PCDH15: variants seen among roughly 807,000 people sequenced by gnomAD.
The protein encoded by PCDH15 is protocadherin related 15, also known as protocadherin-15.
PCDH15 carries 129 observed loss-of-function variants against 178.5 expected under a neutral mutation model. That is an observed-to-expected ratio of 0.72 (90% CI 0.63 to 0.84). The LOEUF is 0.84. Ranked by LOEUF, PCDH15 falls within the 40% of genes least tolerant of loss-of-function variation. The pLI is 0.00. For synonymous variants in PCDH15, 800 were observed against 732.0 expected (o/e 1.09, Z -1.50); for missense variants, 2,230 against 2,099.9 (o/e 1.06, Z -1.21).
chr10:54,462,476 C>CT (rs142961372), intron 3 of PCDH15, among the ~76,000 whole-genome samples: 9 of 123,942 alleles, frequency 7.3e-5, no homozygotes, highest in Admixed American at 1.8e-4. Context: ...TCCTTTCTTT[C>CT]TTTCTTTTCT....
At chr10:54,279,855 G>T (rs1381654281) in intron 8 of PCDH15, among the ~76,000 whole-genome samples, 1 of 151,620 alleles carries the variant, frequency 6.6e-6, no homozygotes, top group East Asian at 1.9e-4. Context: ...GTAGACATCT[G>T]GTTTATCAGA....
At chr10:54,193,231 T>C (rs1480391226) in intron 11 of PCDH15, among the ~76,000 whole-genome samples, 1 of 152,204 alleles carries the variant, frequency 6.6e-6, no homozygotes, top group Non-Finnish European at 1.5e-5. Flanking sequence ...ATTTTAACAT[T>C]TGTAATTTAA....
intron 10 of PCDH15, among the ~76,000 whole-genome samples, chr10:54,201,828 T>G (rs900125940): frequency 2.3e-4 from 35 of 152,320 alleles, no homozygotes; most frequent in African/African-American, 8.2e-4. Flanking sequence ...TTATAGAATG[T>G]CTTTATTCAC....
intron 10 of PCDH15, among the ~76,000 whole-genome samples, chr10:54,209,974 T>C (rs796992981): frequency 6.6e-6 from 1 of 152,222 alleles, no homozygotes; most frequent in African/African-American, 2.4e-5. Flanking sequence ...TTCCTGTAAC[T>C]CTCAAATTAC....
chr10:53,945,864 T>TATATATATATAC (rs1167424919), intron 23 of PCDH15, among the ~76,000 whole-genome samples: 29 of 140,300 alleles, frequency 2.1e-4, no homozygotes, highest in African/African-American at 7.2e-4. Flanking sequence ...TATATATATA[T>TATATATATATAC]ATATATATAT....
At chr10:55,073,063 A>T (rs1052370705) in intron 2 of PCDH15, among the ~76,000 whole-genome samples, 1 of 152,172 alleles carries the variant, frequency 6.6e-6, no homozygotes, top group South Asian at 2.1e-4. Flanking sequence ...TCATGCTAAA[A>T]ACTCTCAATA....
At chr10:55,525,692 T>G (rs1394428638) in intron 2 of PCDH15, among the ~76,000 whole-genome samples, 1 of 151,938 alleles carries the variant, frequency 6.6e-6, no homozygotes, top group Non-Finnish European at 1.5e-5. Context: ...ACTTTGCAAT[T>G]TGACAGACAA....
chr10:54,262,073 T>C (rs1218551166), intron 8 of PCDH15, among the ~76,000 whole-genome samples: 1 of 152,066 alleles, frequency 6.6e-6, no homozygotes, highest in Non-Finnish European at 1.5e-5. Context: ...AATGTACTTC[T>C]GAGATCCTAG....
In PCDH15 at chr10:54,983,462, A is replaced by G. The variant is rs116363197; in HGVS notation, c.-79-85962T>C. Among the ~76,000 whole-genome samples the G allele has an allele frequency of 5.1e-3, 779 of 152,292 alleles. 4 individuals carry two copies. The highest frequency in any genetic ancestry group is 0.018 in the African/African-American group (748 of 41,564). ...CATGGTGAGTGACTCACAATTTTGT[A>G]CTACATAAGACCAGAGGAAATAGAG... is the stretch of plus-strand genomic sequence containing the variant. On this transcript the variant is annotated intron_variant, in intron 2 of 5. Transcript: ENST00000458638.
At chr10:55,006,772 T>A (rs952729054) in intron 2 of PCDH15, among the ~76,000 whole-genome samples, 2 of 152,320 alleles carry the variant, frequency 1.3e-5, no homozygotes, top group South Asian at 4.1e-4. Context: ...ATTTTGGAGC[T>A]TTAATATTTA....
chr10:54,270,247 C>A (rs1202308682), intron 8 of PCDH15, among the ~76,000 whole-genome samples: 1 of 152,036 alleles, frequency 6.6e-6, no homozygotes, highest in Non-Finnish European at 1.5e-5. Flanking sequence ...CATGAAATGT[C>A]TTATCATACA....
chr10:54,796,266 C>CTATGTATG (rs1554796259), intron 1 of PCDH15, among the ~76,000 whole-genome samples: 2 of 87,162 alleles, frequency 2.3e-5, no homozygotes, highest in East Asian at 6.0e-4. Context: ...ATCTATCTAT[C>CTATGTATG]TATCTATGTA....
intron 2 of PCDH15, among the ~76,000 whole-genome samples, chr10:54,964,836 A>G (rs1788416294): frequency 2.0e-5 from 3 of 152,190 alleles, no homozygotes; most frequent in Admixed American, 6.5e-5. Flanking sequence ...GGAAAAAGGT[A>G]TAACTGCCTC....
chr10:53,847,804 ATC>A (rs1017017997), intron 28 of PCDH15, among the ~76,000 whole-genome samples: 1 of 151,818 alleles, frequency 6.6e-6, no homozygotes, highest in Non-Finnish European at 1.5e-5. Context: ...CTTCTTTCTC[ATC>A]TGTTTGCTTT....
intron 2 of PCDH15, among the ~76,000 whole-genome samples, chr10:55,160,559 T>G (rs941991637): frequency 7.9e-5 from 12 of 151,906 alleles, no homozygotes; most frequent in African/African-American, 2.7e-4. Context: ...CATTCTTACC[T>G]AAGGGCAAAT....
chr10:53,907,902 C>G (rs2082792153), intron 25 of PCDH15, among the ~76,000 whole-genome samples: 1 of 152,020 alleles, frequency 6.6e-6, no homozygotes, highest in Non-Finnish European at 1.5e-5. Flanking sequence ...TTTTTAAGAC[C>G]AAATTTAGTT....
intron 1 of PCDH15, among the ~76,000 whole-genome samples, chr10:55,295,667 C>G (rs1158767530): frequency 1.3e-5 from 2 of 152,132 alleles, no homozygotes; most frequent in Non-Finnish European, 2.9e-5. Context: ...TAACTTATCT[C>G]CATAGAATAT....
intron 1 of PCDH15, among the ~76,000 whole-genome samples, chr10:54,702,960 C>T (rs1430768207): frequency 6.6e-6 from 1 of 151,884 alleles, no homozygotes; most frequent in Non-Finnish European, 1.5e-5. Flanking sequence ...ATCCAAAAAT[C>T]CTCAGAAACA....
chr10:55,207,796 G>A (rs967605968), intron 1 of PCDH15, among the ~76,000 whole-genome samples: 9 of 151,920 alleles, frequency 5.9e-5, no homozygotes, highest in Admixed American at 1.3e-4. Context: ...GGTGAAACCC[G>A]TCTTTATTAA....
Sources: gnomAD v4.1 joint callset for allele counts (sites outside exome capture counted in the v4.1 genomes callset) on GRCh38, gnomAD v4.1.1 for gene constraint, MANE v1.5 for transcripts, NCBI Gene and HGNC (gene_info 2026-07-23, HGNC 2026-07-21) for gene names.